The following PIEZO2 variants were observed in gnomAD, a reference collection of about 807,000 sequenced individuals.
PIEZO2 encodes the protein piezo type mechanosensitive ion channel component 2.
A neutral mutation model predicts 337.3 loss-of-function variants in PIEZO2; 172 were observed. The ratio of observed to expected loss-of-function variants is 0.51; its 90% confidence interval spans 0.45 to 0.58. The LOEUF (loss-of-function observed/expected upper bound fraction) is 0.58. Among genes scored for constraint, PIEZO2 ranks in the 20% least tolerant of loss-of-function variants. PIEZO2 has a pLI of 0.00. For synonymous variants in PIEZO2, 1,251 were observed against 1,228.5 expected, an observed-to-expected ratio of 1.02 and a Z score of -0.38; for missense variants, 3,028 against 3,391.3, an observed-to-expected ratio of 0.89 and a Z score of 2.66.
At chr18:10,951,393 T>C (rs1472476303) in intron 3 of PIEZO2, among the ~76,000 whole-genome samples, 10 of 152,224 alleles carry the variant, frequency 6.6e-5, no homozygotes, top group Admixed American at 6.5e-4. Flanking sequence ...ACATATTTTA[T>C]TTAACTTTGA....
chr18:11,013,891 G>C (rs1471671), intron 2 of PIEZO2, among the ~76,000 whole-genome samples: 48,950 of 152,088 alleles, frequency 0.32, 8,153 homozygotes, highest in Non-Finnish European at 0.36. Context: ...TTCTCCTAAA[G>C]TAGAGGTCGT....
intron 4 of PIEZO2, among the ~76,000 whole-genome samples, chr18:10,886,501 C>CTATATATGTATGTAT (rs1568165954): frequency 8.5e-5 from 1 of 11,826 alleles, no homozygotes; most frequent in African/African-American, 4.2e-4. Flanking sequence ...TATATATACG[C>CTATATATGTATGTAT]ATATACACAT....
At chr18:10,761,836 T>C (rs1329313761) in intron 23 of PIEZO2, among the ~76,000 whole-genome samples, 1 of 152,206 alleles carries the variant, frequency 6.6e-6, no homozygotes, top group Non-Finnish European at 1.5e-5. Context: ...GCTGTACCCT[T>C]AAATGCATTG....
At chr18:10,785,491 T>A (rs1480810264) in intron 16 of PIEZO2, among the ~76,000 whole-genome samples, 1 of 152,208 alleles carries the variant, frequency 6.6e-6, no homozygotes, top group Non-Finnish European at 1.5e-5. Flanking sequence ...TTCACAGTTA[T>A]TTTATATTAG....
In PIEZO2 at chr18:10,952,419, A is replaced by T. The variant is rs928475389; in HGVS notation, c.286+27116T>A. Among the ~76,000 whole-genome samples, 1 of 152,178 alleles carries T rather than the reference A, an allele frequency of 6.6e-6. No individual in the cohort carries two copies. The highest frequency in any genetic ancestry group is 1.5e-5 in the Non-Finnish European group (1 of 68,040). ...TCCACCCCATGGTGAGCAATGATGC[A>T]CTTTCTACCCTTACAGTTTCACTAA... On this transcript the variant is annotated intron_variant, in intron 3 of 55. Transcript: ENST00000674853. This position sits in a 1 kb window ranked among gnomAD's most constrained non-coding sequence, Gnocchi z 4.1.
rs1050502778 is a variant in PIEZO2 at position 10,783,782 on chromosome 18, G to A, written c.2492+1002C>T. Among the ~76,000 whole-genome samples the A allele has an allele frequency of 2.6e-5, 4 of 152,150 alleles. No homozygotes were observed. Among genetic ancestry groups the A allele is most frequent in the Non-Finnish European group, 5.9e-5 (4 of 68,020 alleles). ...CACAATAAGAAAAGTGAATCTGCTG[G>A]TCATAAACAAGGATTATAAAATGTT... On this transcript the variant is annotated intron_variant, in intron 17 of 55. Transcript: ENST00000674853. The surrounding 1 kb of genome is among the most constrained non-coding windows in gnomAD (Gnocchi z 4.3).
rs1292464792 is a variant in PIEZO2 at position 11,027,378 on chromosome 18, C to T, written c.160+38749G>A. On this transcript the variant is annotated intron_variant, in intron 2 of 55. Coordinates refer to ENST00000674853, the MANE Select transcript of PIEZO2 (RefSeq NM_001378183.1). This position sits in a 1 kb window ranked among gnomAD's most constrained non-coding sequence, Gnocchi z 4.2. ...ACCAGTGAGGCAAGGCAGGAATTGC[C>T]TGGTCAGAGCAAAGGGGGCACGCTG... 6.6e-6 allele frequency among the ~76,000 whole-genome samples: 1 copy of T among 152,152 alleles called. No individual in the cohort carries two copies. The highest frequency in any genetic ancestry group is 2.4e-5 in the African/African-American group (1 of 41,450).
In PIEZO2 at chr18:10,762,517, G is replaced by A; in HGVS notation, c.3232C>T (p.Leu1078=). The A allele has an allele frequency of 6.5e-7, 1 of 1,537,308 alleles. No homozygotes were observed. The highest frequency in any genetic ancestry group is 8.7e-7 in the Non-Finnish European group (1 of 1,146,924). ...EWVGLRKSSP[L]LVYLRNNLLM... ...GCCATTACCCTCAGGTAGACTAGCA[G>A]AGGCGAAGACTTCCGCAGGCCGACC... is the stretch of plus-strand genomic sequence containing the variant. The change falls in exon 23 of 56, where the codon CTG becomes TTG. Residue 1078 remains leucine (L), a synonymous_variant. Coordinates refer to ENST00000674853, the MANE Select transcript of PIEZO2 (RefSeq NM_001378183.1).
intron 2 of PIEZO2, among the ~76,000 whole-genome samples, chr18:10,995,743 T>C (rs1281129418): frequency 6.6e-6 from 1 of 152,180 alleles, no homozygotes. Flanking sequence ...CTCTTTCCAG[T>C]GACTGTGTTC....
intron 4 of PIEZO2, among the ~76,000 whole-genome samples, chr18:10,881,352 C>T (rs1290931919): frequency 6.6e-6 from 1 of 152,182 alleles, no homozygotes; most frequent in African/African-American, 2.4e-5. Flanking sequence ...ATTTGGAACA[C>T]ACAGTGCTTT....
rs528499277 is a variant in PIEZO2, at chr18:10,799,993, C to A, written c.1378+344G>T. On this transcript the variant is annotated intron_variant, in intron 11 of 55. Transcript: ENST00000674853. ...GTCTCAAAAAAAAAAAAAAAAAATTCATATATTAACCAGGAAAACCACTGA... is the reference window on the plus strand; with the variant it reads ...GTCTCAAAAAAAAAAAAAAAAAATTAATATATTAACCAGGAAAACCACTGA... Among the ~76,000 whole-genome samples the A allele has an allele frequency of 2.9e-4, 40 of 139,406 alleles. No individual in the cohort carries two copies. The East Asian group carries it at 7.5e-3, about 26-fold the overall frequency. The allele number at this position is 139,406 out of a possible 152,430, so 91.5% of individuals were successfully genotyped here.
intron 32 of PIEZO2, among the ~76,000 whole-genome samples, chr18:10,741,688 C>G (rs1235477465): frequency 6.6e-6 from 1 of 151,990 alleles, no homozygotes. Flanking sequence ...TAGATATAAT[C>G]AATATATATT....
At chr18:10,674,855 C>A (rs886587497) in intron 54 of PIEZO2, among the ~76,000 whole-genome samples, 7 of 152,148 alleles carry the variant, frequency 4.6e-5, no homozygotes, top group African/African-American at 1.7e-4. Flanking sequence ...TTTTACTGTT[C>A]TTATTGTGAG....
rs998175561 is a variant in PIEZO2 at position 11,031,183 on chromosome 18, T to A, written c.160+34944A>T. The stretch of plus-strand genomic sequence containing the variant: ...TTTTTTGTATTTTTTTTTTTTTTAG[T>A]GGAGATGGGATTTCACCGTGTTAGC... On this transcript the variant is annotated intron_variant, in intron 2 of 55. Transcript: ENST00000674853. This position sits in a 1 kb window ranked among gnomAD's most constrained non-coding sequence, Gnocchi z 4.7. Among the ~76,000 whole-genome samples, 1 of 150,232 alleles carries A rather than the reference T, an allele frequency of 6.7e-6. No homozygotes were observed. The highest frequency in any genetic ancestry group is 2.1e-4 in the South Asian group (1 of 4,738).
chr18:11,091,383 CAAAAAAA>C (rs529307821), intron 1 of PIEZO2, among the ~76,000 whole-genome samples: 1 of 77,858 alleles, frequency 1.3e-5, no homozygotes, highest in Non-Finnish European at 2.8e-5. Flanking sequence ...GACTCCGTCT[CAAAAAAA>C]AAAAAAAAAG....
chr18:10,801,136 T>G (rs1281126633), intron 10 of PIEZO2, among the ~76,000 whole-genome samples: 2 of 152,208 alleles, frequency 1.3e-5, no homozygotes, highest in African/African-American at 4.8e-5. Context: ...ACTTCCTACT[T>G]ACGAATTAGG....
At chr18:10,701,823 C>CTT (rs2035346977) in intron 43 of PIEZO2, 166 bp downstream of exon 43, 1 of 501,776 alleles carries the variant, frequency 2.0e-6, no homozygotes, top group Non-Finnish European at 3.1e-6. Context: ...TAACCTTTTT[C>CTT]TTTTCTCTCT....
intron 3 of PIEZO2, among the ~76,000 whole-genome samples, chr18:10,967,982 G>A (rs765420496): frequency 5.3e-5 from 8 of 151,934 alleles, no homozygotes; most frequent in Non-Finnish European, 5.9e-5. Flanking sequence ...ATTTATCTTC[G>A]TTTTTGTTGC....
chr18:10,710,773 AG>A lies in PIEZO2; in HGVS notation c.5424-2335del, dbSNP rs560921288. Among the ~76,000 whole-genome samples the A allele has an allele frequency of 9.2e-4, 140 of 152,340 alleles. 1 individual carries two copies. In the Middle Eastern group the frequency reaches 0.017, roughly 19 times the overall value. The stretch of plus-strand genomic sequence containing the variant: ...GACCCTTCCCAATGACTTCCACTGC[AG>A]AACCTCTTCTAGGGAGGGTTACTAC... On this transcript the variant is annotated intron_variant, in intron 39 of 55. Transcript: ENST00000674853.
Sources: allele counts gnomAD v4.1 joint callset (sites outside exome capture counted in the v4.1 genomes callset), GRCh38; gene constraint gnomAD v4.1.1; non-coding constraint Gnocchi (gnomAD v3.1); transcripts MANE v1.5; gene names NCBI Gene and HGNC (gene_info 2026-07-23, HGNC 2026-07-21).